ZNF782: variants seen among roughly 807,000 people sequenced by gnomAD.
ZNF782 encodes the protein zinc finger protein 782.
ZNF782 carries 12 observed loss-of-function variants against 13.0 expected under a neutral mutation model. That is an observed-to-expected ratio of 0.92 (90% CI 0.59 to 1.50). The LOEUF is 1.50. Ranked by LOEUF, ZNF782 falls within the 40% of genes most tolerant of loss-of-function variation. ZNF782 has a pLI of 0.00. For synonymous variants in ZNF782, 284 were observed against 283.0 expected, an observed-to-expected ratio of 1.00 and a Z score of -0.04; for missense variants, 770 against 822.9, an observed-to-expected ratio of 0.94 and a Z score of 0.79.
upstream of ZNF782, among the ~76,000 whole-genome samples, chr9:96,859,168 C>T (rs1588173892): frequency 6.6e-6 from 1 of 152,142 alleles, no homozygotes; most frequent in Admixed American, 6.5e-5. Flanking sequence ...ATAAAGTACT[C>T]GGGGTCCTTA....
At chr9:96,931,091 T>C in the ZNF782 span, among the ~76,000 whole-genome samples, 1 of 151,940 alleles carries the variant, frequency 6.6e-6, no homozygotes, top group East Asian at 1.9e-4. Flanking sequence ...TTTCACCACG[T>C]TGGCCAGACT....
chr9:96,831,882 A>G (rs928285752), intron 4 of ZNF782, among the ~76,000 whole-genome samples: 1 of 152,016 alleles, frequency 6.6e-6, no homozygotes, highest in Non-Finnish European at 1.5e-5. Flanking sequence ...TTTTACTTTC[A>G]ATCTACCTAT....
intron 4 of ZNF782, among the ~76,000 whole-genome samples, chr9:96,831,986 C>A (rs1850818573): frequency 1.3e-5 from 2 of 152,008 alleles, no homozygotes; most frequent in African/African-American, 4.8e-5. Flanking sequence ...TATATTTAGA[C>A]CATTTAACGT....
the ZNF782 span, among the ~76,000 whole-genome samples, chr9:96,924,676 C>T: frequency 3.3e-5 from 5 of 151,144 alleles, no homozygotes; most frequent in African/African-American, 1.2e-4. Flanking sequence ...TGAGGTCGTC[C>T]GTGAGAACTT....
chr9:96,820,197 A>T (rs1004630331), intron 5 of ZNF782, among the ~76,000 whole-genome samples: 1 of 152,236 alleles, frequency 6.6e-6, no homozygotes, highest in Non-Finnish European at 1.5e-5. Context: ...GTTTTATCTG[A>T]GACAGGGTTT....
chr9:96,905,363 T>C, the ZNF782 span, among the ~76,000 whole-genome samples: 1 of 151,134 alleles, frequency 6.6e-6, no homozygotes, highest in East Asian at 2.0e-4. Context: ...ACCATGACCA[T>C]TTACAAATGC....
intron 1 of ZNF782, among the ~76,000 whole-genome samples, chr9:96,868,657 CA>C (rs1851789927): frequency 6.6e-6 from 1 of 152,138 alleles, no homozygotes; most frequent in African/African-American, 2.4e-5. Context: ...ACGTTTTTTA[CA>C]TTCATTATTT....
chr9:96,869,966 G>C (rs1434156798), intron 1 of ZNF782, among the ~76,000 whole-genome samples: 1 of 152,196 alleles, frequency 6.6e-6, no homozygotes. Context: ...GGTAACAGAT[G>C]ATACTGCTGT....
upstream of ZNF782, among the ~76,000 whole-genome samples, chr9:96,876,216 T>C (rs1271725996): frequency 2.0e-5 from 3 of 152,210 alleles, no homozygotes; most frequent in Admixed American, 6.5e-5. Flanking sequence ...TTAAAGAACA[T>C]TGCCGTTATT....
At chr9:96,889,764 A>G in the ZNF782 span, 1 of 152,156 alleles carries the variant, frequency 6.6e-6, no homozygotes, top group African/African-American at 2.4e-5. Flanking sequence ...TGGGTCATAT[A>G]TATGTATGTG....
At chr9:96,856,022 G>T (rs779040884), upstream of ZNF782, among the ~76,000 whole-genome samples, 6 of 152,046 alleles carry the variant, frequency 3.9e-5, no homozygotes, top group Non-Finnish European at 5.9e-5. Flanking sequence ...TCATATGTTT[G>T]TTGGCCATTT....
At chr9:96,865,950 A>C (rs1217572882) in intron 1 of ZNF782, among the ~76,000 whole-genome samples, 2 of 152,172 alleles carry the variant, frequency 1.3e-5, no homozygotes, top group African/African-American at 4.8e-5. Context: ...GGCAGAAGAA[A>C]CTTCCAAGCA....
chr9:96,822,928 A>C (rs1191819212), intron 5 of ZNF782, among the ~76,000 whole-genome samples: 1 of 152,220 alleles, frequency 6.6e-6, no homozygotes, highest in Non-Finnish European at 1.5e-5. Flanking sequence ...ACTGGACAAT[A>C]ATATCTTTGT....
chr9:96,911,499 GT>G, the ZNF782 span, among the ~76,000 whole-genome samples: 26 of 133,706 alleles, frequency 1.9e-4, no homozygotes, highest in South Asian at 4.8e-4. Flanking sequence ...TTTCTTACAA[GT>G]TTTTTTTTTG....
At chr9:96,860,349 C>T (rs919982028) in exon 3 of ZNF782, 5 of 152,332 alleles carry the variant, frequency 3.3e-5, no homozygotes, top group African/African-American at 1.2e-4. Context: ...CAGGTCTGAC[C>T]CAGTGCTGTC....
the ZNF782 span, among the ~76,000 whole-genome samples, chr9:96,925,284 C>G: frequency 1.0e-3 from 156 of 151,668 alleles, 2 homozygotes; most frequent in Non-Finnish European, 3.4e-4. Context: ...CTCACCAGGG[C>G]GCTTCCTGGG....
the ZNF782 span, among the ~76,000 whole-genome samples, chr9:96,908,317 T>G: frequency 6.6e-6 from 1 of 152,030 alleles, no homozygotes. Flanking sequence ...GTTCAAGCTA[T>G]CCTCCTGCTT....
the ZNF782 span, among the ~76,000 whole-genome samples, chr9:96,896,933 G>C: frequency 6.6e-6 from 1 of 152,218 alleles, no homozygotes; most frequent in Admixed American, 6.5e-5. Context: ...TTCAGAAGCA[G>C]TTTTGGCTTG....
chr9:96,899,714 T>C, the ZNF782 span, among the ~76,000 whole-genome samples: 2 of 152,212 alleles, frequency 1.3e-5, no homozygotes, highest in African/African-American at 4.8e-5. Context: ...CCACAAATGT[T>C]AGCTAGATGG....
Sources: allele counts gnomAD v4.1 joint callset (sites outside exome capture counted in the v4.1 genomes callset), GRCh38; gene constraint gnomAD v4.1.1; transcripts MANE v1.5; gene names NCBI Gene and HGNC (gene_info 2026-07-23, HGNC 2026-07-21).